Variants in P4HA3 observed in about 807,000 individuals in gnomAD.
P4HA3 encodes prolyl 4-hydroxylase subunit alpha 3, also known as prolyl 4-hydroxylase subunit alpha-3.
A neutral mutation model predicts 66.7 loss-of-function variants in P4HA3; 60 were observed. The observed-to-expected ratio is 0.90, with a 90% CI of 0.73 to 1.12. The LOEUF (loss-of-function observed/expected upper bound fraction) is 1.12, where lower values mean the gene tolerates loss of function less well. Ranked by LOEUF, P4HA3 falls within the 50% of genes most tolerant of loss-of-function variation. The probability of loss-of-function intolerance (pLI) is 0.00; values close to 1 mark genes in which losing one functional copy is unlikely to be tolerated. For synonymous variants in P4HA3, 263 were observed against 274.6 expected, an observed-to-expected ratio of 0.96 and a Z score of 0.42; for missense variants, 683 against 685.8, an observed-to-expected ratio of 1.00 and a Z score of 0.05.
At chr11:74,251,728 C>G (rs773529715) in intron 15 of P4HA3, 2 of 1,613,870 alleles carry the variant, frequency 1.2e-6, no homozygotes, top group Non-Finnish European at 1.7e-6. Context: ...AAGGCGGGTA[C>G]AAGGGTTTAA....
At chr11:74,251,600 C>T (rs769488981) in intron 15 of P4HA3, 2 of 1,600,098 alleles carry the variant, frequency 1.2e-6, no homozygotes, top group Admixed American at 3.4e-5. Context: ...CAAGGCTAAG[C>T]CCCATCACTA....
At chr11:74,259,990 T>C (rs1859882729) in exon 15 of P4HA3, 1 of 152,234 alleles carries the variant, frequency 6.6e-6, no homozygotes, top group Non-Finnish European at 1.5e-5. Context: ...ACCAATCTGT[T>C]TTCCACAGTG....
chr11:74,277,849 G>A (rs1860453936), intron 8 of P4HA3, among the ~76,000 whole-genome samples: 1 of 152,172 alleles, frequency 6.6e-6, no homozygotes, highest in Admixed American at 6.5e-5. Context: ...TGGGTCTCCT[G>A]GGGAGACGAT....
rs77236118 is a variant in P4HA3 at position 74,276,043 on chromosome 11, C to T, written c.1335+942G>A. Among the ~76,000 whole-genome samples the T allele has an allele frequency of 7.9e-3, 1,200 of 152,252 alleles. 9 individuals are homozygous for T. The highest frequency in any genetic ancestry group is 0.027 in the African/African-American group (1,109 of 41,542). On this transcript the variant is annotated intron_variant, in intron 9 of 12. Transcript: ENST00000331597. ...GAGGCCATTATCCTAAGTGAACTAA[C>T]TCAAAAGCAGAAGATAAGATATTGC...
At chr11:74,293,804 G>A (rs1389380450) in intron 4 of P4HA3, among the ~76,000 whole-genome samples, 1 of 152,214 alleles carries the variant, frequency 6.6e-6, no homozygotes, top group Non-Finnish European at 1.5e-5. Flanking sequence ...TAGAGTTTCT[G>A]CTGAGAGATC....
intron 4 of P4HA3, among the ~76,000 whole-genome samples, chr11:74,296,934 C>CTTTTTTTTTTTTTTTTTTTTTT: frequency 8.1e-6 from 1 of 123,904 alleles, no homozygotes. Flanking sequence ...TTCTTTTTTT[C>CTTTTTTTTTTTTTTTTTTTTTT]TTTTTTTTTT....
At chr11:74,284,428 G>T (rs1860711999) in intron 7 of P4HA3, among the ~76,000 whole-genome samples, 1 of 152,174 alleles carries the variant, frequency 6.6e-6, no homozygotes, top group South Asian at 2.1e-4. Context: ...TCTTCCATGA[G>T]ACTGGCAATG....
intron 5 of P4HA3, among the ~76,000 whole-genome samples, chr11:74,287,506 CAAAT>C (rs1226017353): frequency 6.6e-6 from 1 of 152,076 alleles, no homozygotes; most frequent in African/African-American, 2.4e-5. Context: ...AGATCAAGTG[CAAAT>C]AAATAAAGAA....
At position 74,250,765 on chromosome 11, in the gene P4HA3, G is replaced by GA. The variant is rs530441751; in HGVS notation, c.*1319-2765dup. 1.4e-4 allele frequency: 78 copies of GA among 577,312 alleles called. No homozygotes were observed. The East Asian group carries it at 2.0e-3, about 15-fold the overall frequency. The allele number at this position is 577,312 out of a possible 1,614,324, so 35.8% of individuals were successfully genotyped here. ...ATAGGACAGAAGGAAAAAGTGAAGG[G>GA]AAATGATTGGCGCAAGGTTACAATT... On this transcript the variant is annotated intron_variant and NMD_transcript_variant, in intron 15 of 15. Coordinates refer to the P4HA3 transcript ENST00000524388.
intron 4 of P4HA3, 88 bp from the exon 5 acceptor site, chr11:74,289,218 GAT>G (rs1860918308): frequency 1.4e-6 from 1 of 726,314 alleles, no homozygotes; most frequent in Non-Finnish European, 1.9e-6. Context: ...AAAAAAAAAA[GAT>G]AAAATATTCT....
intron 15 of P4HA3, chr11:74,255,865 A>G: frequency 2.2e-6 from 1 of 464,320 alleles, no homozygotes; most frequent in Non-Finnish European, 4.3e-6. Flanking sequence ...GTAGTTCATG[A>G]GCTCCCTAGT....
intron 5 of P4HA3, 36 bp downstream of exon 5, chr11:74,289,043 G>T (rs768702566): frequency 6.9e-7 from 1 of 1,452,578 alleles, no homozygotes; most frequent in Non-Finnish European, 9.2e-7. Flanking sequence ...CCGTAAATCA[G>T]ACCTGTGGCT....
intron 1 of P4HA3, among the ~76,000 whole-genome samples, chr11:74,305,484 C>T (rs1250649356): frequency 6.6e-6 from 1 of 152,082 alleles, no homozygotes; most frequent in African/African-American, 2.4e-5. Context: ...CAGGATGGAA[C>T]CCAAGTCTGA....
intron 10 of P4HA3, among the ~76,000 whole-genome samples, chr11:74,271,800 A>G (rs1860208995): frequency 1.3e-5 from 2 of 152,148 alleles, no homozygotes; most frequent in African/African-American, 4.8e-5. Context: ...TGTCTTGAGA[A>G]ATGTTTGTCT....
intron 5 of P4HA3, 128 bp downstream of exon 5, chr11:74,288,948 CAAA>C (rs36086552): frequency 6.5e-3 from 2,351 of 360,182 alleles, no homozygotes; most frequent in Middle Eastern, 0.013. Flanking sequence ...GATGCCATCT[CAAA>C]AAAAAAAAAA....
At chr11:74,252,926 A>G (rs998757697) in intron 15 of P4HA3, among the ~76,000 whole-genome samples, 2 of 152,184 alleles carry the variant, frequency 1.3e-5, no homozygotes, top group Non-Finnish European at 2.9e-5. Flanking sequence ...TGTACTGCAG[A>G]AGGCCTTTGA....
At chr11:74,309,432 G>A (rs1457960219) in intron 1 of P4HA3, among the ~76,000 whole-genome samples, 2 of 152,174 alleles carry the variant, frequency 1.3e-5, no homozygotes, top group African/African-American at 4.8e-5. Context: ...TGCTTCAAGT[G>A]CTCTCTTCTG....
intron 3 of P4HA3, among the ~76,000 whole-genome samples, chr11:74,299,382 A>T (rs1310721219): frequency 6.6e-6 from 1 of 152,204 alleles, no homozygotes; most frequent in African/African-American, 2.4e-5. Context: ...AATCCTAGAG[A>T]TATTGCAATT....
chr11:74,250,403 A>G (rs1279577475), intron 15 of P4HA3: 1 of 153,342 alleles, frequency 6.5e-6, no homozygotes, highest in Non-Finnish European at 1.5e-5. Flanking sequence ...TTATTGTAAT[A>G]ATACATTTTG....
Sources: allele counts gnomAD v4.1 joint callset (sites outside exome capture counted in the v4.1 genomes callset), GRCh38; gene constraint gnomAD v4.1.1; transcripts MANE v1.5; gene names NCBI Gene and HGNC (gene_info 2026-07-23, HGNC 2026-07-21).